The following CYRIB variants were observed in gnomAD, a reference collection of about 807,000 sequenced individuals.
CYRIB encodes the protein CYFIP related Rac1 interactor B, also known as CYFIP-related Rac1 interactor B.
In CYRIB, 8 loss-of-function variants were observed where a neutral mutation model predicts 44.2. That is an observed-to-expected ratio of 0.18 (90% CI 0.11 to 0.33). The LOEUF (loss-of-function observed/expected upper bound fraction) is 0.33, where lower values mean the gene tolerates loss of function less well. Ranked by LOEUF, CYRIB falls within the 10% of genes least tolerant of loss-of-function variation. The pLI is 1.00. For synonymous variants in CYRIB, 131 were observed against 127.2 expected (o/e 1.03, Z -0.20); for missense variants, 185 against 382.8 (o/e 0.48, Z 4.31).
intron 1 of CYRIB, among the ~76,000 whole-genome samples, chr8:129,988,124 C>A (rs116091440): frequency 0.012 from 1,832 of 152,218 alleles, 39 homozygotes; most frequent in African/African-American, 0.042. Flanking sequence ...CAAGTGAGGA[C>A]GGAACAAAGG....
At chr8:129,855,480 C>G in intron 6 of CYRIB, 131 bp downstream of exon 8, 1 of 896,442 alleles carries the variant, frequency 1.1e-6, no homozygotes, top group Non-Finnish European at 1.6e-6. Flanking sequence ...CTAAATCCAG[C>G]TTTGCATTTT....
upstream of CYRIB, chr8:129,939,844 G>C (rs1010606267): frequency 2.0e-5 from 3 of 152,444 alleles, no homozygotes; most frequent in Non-Finnish European, 2.9e-5. Flanking sequence ...GGGAGGGGGA[G>C]GAGGGAATGC....
intron 1 of CYRIB, among the ~76,000 whole-genome samples, chr8:130,004,761 A>ATTT (rs775327457): frequency 4.0e-4 from 50 of 123,860 alleles, no homozygotes; most frequent in South Asian, 7.8e-4. Context: ...ATTGTCAGGA[A>ATTT]TTTTTTTTTT....
intron 2 of CYRIB, among the ~76,000 whole-genome samples, chr8:129,886,047 C>T (rs147378443): frequency 3.3e-4 from 50 of 152,316 alleles, no homozygotes; most frequent in East Asian, 1.9e-3. Context: ...ACTTCTCCTG[C>T]CTGCTTTTGT....
chr8:129,951,633 G>A (rs2094507490), intron 2 of CYRIB, among the ~76,000 whole-genome samples: 1 of 151,596 alleles, frequency 6.6e-6, no homozygotes, highest in Non-Finnish European at 1.5e-5. Context: ...TTGAACACGG[G>A]AGGCAGAGGT....
chr8:129,846,701 T>C, intron 11 of CYRIB, 103 bp downstream of exon 13: 1 of 736,166 alleles, frequency 1.4e-6, no homozygotes, highest in East Asian at 2.9e-5. Context: ...CTTGAACACT[T>C]ATTTTTATAT....
intron 1 of CYRIB, among the ~76,000 whole-genome samples, chr8:129,929,283 G>C (rs1401098005): frequency 6.6e-6 from 1 of 152,032 alleles, no homozygotes; most frequent in Non-Finnish European, 1.5e-5. Flanking sequence ...ACGGGGAGAA[G>C]AGAGAGAGGG....
chr8:129,975,043 G>A (rs1182383237), intron 1 of CYRIB, among the ~76,000 whole-genome samples: 1 of 152,162 alleles, frequency 6.6e-6, no homozygotes, highest in Non-Finnish European at 1.5e-5. Context: ...AGCACGCCCA[G>A]CTAATTTTTG....
At chr8:129,999,226 G>A (rs886632571) in intron 1 of CYRIB, among the ~76,000 whole-genome samples, 4 of 152,292 alleles carry the variant, frequency 2.6e-5, no homozygotes, top group Non-Finnish European at 5.9e-5. Context: ...TGAGAGAGCA[G>A]CAAGGTGACA....
At chr8:129,995,272 C>T (rs2096740216) in intron 1 of CYRIB, among the ~76,000 whole-genome samples, 1 of 152,186 alleles carries the variant, frequency 6.6e-6, no homozygotes, top group African/African-American at 2.4e-5. Context: ...AGGGAGAGGC[C>T]TCTGCATGTC....
At chr8:129,849,112 G>T in intron 10 of CYRIB, 131 bp downstream of exon 12, 1 of 785,642 alleles carries the variant, frequency 1.3e-6, no homozygotes, top group Non-Finnish European at 1.9e-6. Flanking sequence ...GGAGATGAAA[G>T]TCCACCATTT....
exon 12 of CYRIB, chr8:129,839,735 G>A (rs946079887): frequency 1.3e-5 from 2 of 152,114 alleles, no homozygotes; most frequent in African/African-American, 2.4e-5. Flanking sequence ...AAAACAGACG[G>A]TGAGTAAATT....
At chr8:129,920,092 T>C (rs940136061) in intron 1 of CYRIB, among the ~76,000 whole-genome samples, 1 of 142,712 alleles carries the variant, frequency 7.0e-6, no homozygotes, top group Non-Finnish European at 1.5e-5. Flanking sequence ...GAAAACACTT[T>C]CAAAAAAAAA....
chr8:129,854,288 C>T (rs761018352), exon 7 of CYRIB: 3 of 1,610,642 alleles, frequency 1.9e-6, no homozygotes, highest in Non-Finnish European at 2.5e-6. Context: ...AATCCTCATA[C>T]GACTCAATGT....
At chr8:129,928,489 G>A (rs1435412676) in intron 1 of CYRIB, among the ~76,000 whole-genome samples, 1 of 151,916 alleles carries the variant, frequency 6.6e-6, no homozygotes, top group Non-Finnish European at 1.5e-5. Context: ...AGACCTGACA[G>A]ACATTTCACC....
chr8:129,912,516 C>G (rs949139154), intron 1 of CYRIB: 1 of 151,746 alleles, frequency 6.6e-6, no homozygotes, highest in African/African-American at 2.4e-5. Context: ...TTTCACCACC[C>G]TAACAGATTA....
chr8:129,932,420 G>A (rs1415464232), intron 1 of CYRIB, among the ~76,000 whole-genome samples: 1 of 152,154 alleles, frequency 6.6e-6, no homozygotes, highest in Non-Finnish European at 1.5e-5. Flanking sequence ...GGGCAGGCGT[G>A]CTTATTGCTC....
At chr8:129,993,788 A>G (rs1000788738) in intron 1 of CYRIB, among the ~76,000 whole-genome samples, 2 of 151,640 alleles carry the variant, frequency 1.3e-5, no homozygotes, top group African/African-American at 2.4e-5. Context: ...CTTGAACCCA[A>G]GAAGTGGAGG....
intron 1 of CYRIB, among the ~76,000 whole-genome samples, chr8:129,921,196 T>C (rs2083370675): frequency 6.6e-6 from 1 of 152,220 alleles, no homozygotes; most frequent in East Asian, 1.9e-4. Flanking sequence ...TTTGTCACCT[T>C]TGCAGTCCAT....
Sources: allele counts gnomAD v4.1 joint callset (sites outside exome capture counted in the v4.1 genomes callset), GRCh38; gene constraint gnomAD v4.1.1; transcripts MANE v1.5; gene names NCBI Gene and HGNC (gene_info 2026-07-23, HGNC 2026-07-21).